CLNK: variants seen among roughly 807,000 people sequenced by gnomAD.
The protein encoded by CLNK is cytokine dependent hematopoietic cell linker.
CLNK carries 74 observed loss-of-function variants against 68.6 expected under a neutral mutation model. The observed-to-expected ratio is 1.08, with a 90% confidence interval of 0.89 to 1.31. The LOEUF is 1.31. Ranked by LOEUF, CLNK falls within the 50% of genes most tolerant of loss-of-function variation. The probability of loss-of-function intolerance (pLI) is 0.00; values close to 1 mark genes in which losing one functional copy is unlikely to be tolerated. For missense variants in CLNK, 553 were observed against 515.3 expected (o/e 1.07, Z -0.71); for synonymous variants, 198 against 172.2 (o/e 1.15, Z -1.17).
At chr4:10,514,147 T>A (rs933382823) in intron 15 of CLNK, among the ~76,000 whole-genome samples, 1 of 144,562 alleles carries the variant, frequency 6.9e-6, no homozygotes, top group African/African-American at 2.6e-5. Context: ...CTGAGAATGA[T>A]GGTTTCCAAT....
chr4:10,691,465 G>C, the CLNK span, among the ~76,000 whole-genome samples: 5 of 152,242 alleles, frequency 3.3e-5, 1 homozygote, highest in East Asian at 9.6e-4. Flanking sequence ...AGACAGAGAC[G>C]TAAGTTCCAA....
At chr4:10,553,165 A>G (rs1719528885) in intron 8 of CLNK, among the ~76,000 whole-genome samples, 1 of 152,176 alleles carries the variant, frequency 6.6e-6, no homozygotes, top group Admixed American at 6.5e-5. Context: ...ACACCCGATA[A>G]ACTACTCAGA....
At chr4:10,588,941 A>G (rs1721084218) in intron 3 of CLNK, among the ~76,000 whole-genome samples, 1 of 152,084 alleles carries the variant, frequency 6.6e-6, no homozygotes, top group East Asian at 1.9e-4. Flanking sequence ...TGGAGGAGAA[A>G]ATGAGGAGAT....
chr4:10,491,557 C>T (rs544045691), intron 18 of CLNK, among the ~76,000 whole-genome samples: 1 of 152,234 alleles, frequency 6.6e-6, no homozygotes, highest in African/African-American at 2.4e-5. Flanking sequence ...TCTAGATACA[C>T]AGATAAAATG....
At chr4:10,612,192 T>A (rs1722058488) in intron 2 of CLNK, among the ~76,000 whole-genome samples, 1 of 152,240 alleles carries the variant, frequency 6.6e-6, no homozygotes, top group South Asian at 2.1e-4. Flanking sequence ...ATGACATTTA[T>A]TTTATTTCCA....
intron 1 of CLNK, among the ~76,000 whole-genome samples, chr4:10,681,476 T>C (rs559077862): frequency 7.9e-5 from 12 of 152,290 alleles, no homozygotes; most frequent in African/African-American, 2.9e-4. Context: ...TCCAATCACA[T>C]GGATATTAAA....
At chr4:10,626,230 G>A (rs908842289) in intron 2 of CLNK, among the ~76,000 whole-genome samples, 2 of 152,216 alleles carry the variant, frequency 1.3e-5, no homozygotes, top group Non-Finnish European at 2.9e-5. Context: ...TCTGTGGAGT[G>A]AGGTTTGCTC....
intron 2 of CLNK, among the ~76,000 whole-genome samples, chr4:10,660,288 T>C (rs1183495573): frequency 6.6e-6 from 1 of 152,230 alleles, no homozygotes; most frequent in Non-Finnish European, 1.5e-5. Flanking sequence ...CCATAAAATA[T>C]GGGATGCCTA....
chr4:10,710,055 C>A, the CLNK span, among the ~76,000 whole-genome samples: 2 of 152,212 alleles, frequency 1.3e-5, no homozygotes, highest in Non-Finnish European at 2.9e-5. Context: ...TTATTGATAA[C>A]TGATATGATA....
intron 2 of CLNK, among the ~76,000 whole-genome samples, chr4:10,656,847 T>C (rs1451142114): frequency 6.6e-6 from 1 of 152,154 alleles, no homozygotes; most frequent in African/African-American, 2.4e-5. Context: ...TGGTATTATA[T>C]GCACATAAAA....
At chr4:10,532,357 A>G (rs1254846377) in intron 11 of CLNK, 74 bp from the exon 12 acceptor site, 1 of 1,249,630 alleles carries the variant, frequency 8.0e-7, no homozygotes, top group Non-Finnish European at 1.2e-6. Context: ...TCTGAGCCTT[A>G]CAAACCTTTC....
chr4:10,586,905 G>A (rs1720989139), intron 3 of CLNK, among the ~76,000 whole-genome samples: 1 of 151,820 alleles, frequency 6.6e-6, no homozygotes, highest in South Asian at 2.1e-4. Context: ...AAAGGTTTTG[G>A]GCCATTTATG....
intron 7 of CLNK, among the ~76,000 whole-genome samples, chr4:10,562,872 A>C (rs867344577): frequency 6.6e-6 from 1 of 152,182 alleles, no homozygotes; most frequent in South Asian, 2.1e-4. Flanking sequence ...TCCTACCATT[A>C]GCATATATGT....
chr4:10,586,336 CTTTT>C (rs5856064), intron 3 of CLNK, among the ~76,000 whole-genome samples: 15 of 89,256 alleles, frequency 1.7e-4, no homozygotes, highest in Non-Finnish European at 2.3e-4. Context: ...CTTTTTTTTT[CTTTT>C]TTTTTTTTTT....
intron 2 of CLNK, among the ~76,000 whole-genome samples, chr4:10,655,230 T>C (rs550910016): frequency 8.6e-5 from 13 of 151,992 alleles, no homozygotes; most frequent in Non-Finnish European, 1.6e-4. Context: ...TCTAGAGATA[T>C]ATAACATGTT....
intron 2 of CLNK, among the ~76,000 whole-genome samples, chr4:10,667,522 A>G (rs1359236052): frequency 6.6e-6 from 1 of 152,002 alleles, no homozygotes; most frequent in Admixed American, 6.6e-5. Context: ...TGTGGGAAAA[A>G]GCACACAAAC....
intron 2 of CLNK, among the ~76,000 whole-genome samples, chr4:10,639,237 G>T (rs1349519064): frequency 1.3e-5 from 2 of 152,184 alleles, no homozygotes; most frequent in Admixed American, 1.3e-4. Flanking sequence ...TGACTGAATG[G>T]CTCTGAGTCT....
Position 10,588,235 on chromosome 4 carries a change from C to T in CLNK, c.84-3280G>A, listed in dbSNP as rs1577149553. 3.3e-5 allele frequency among the ~76,000 whole-genome samples: 5 copies of T among 152,316 alleles called. No homozygotes were observed. In the South Asian group the frequency reaches 1.0e-3, roughly 32 times the overall value. ...TCGGGAATTTTGAAGAAAAGGCAAA[C>T]CGTTCCTGAGATTCCAGAAGGAACT... On this transcript the variant is annotated intron_variant, in intron 3 of 18. Coordinates refer to ENST00000226951, the MANE Select transcript of CLNK (RefSeq NM_052964.4).
chr4:10,608,546 G>A (rs535220312), intron 2 of CLNK, among the ~76,000 whole-genome samples: 3 of 152,114 alleles, frequency 2.0e-5, no homozygotes, highest in East Asian at 1.9e-4. Context: ...GCTTCGTCTC[G>A]AACCTTTTGC....
Sources: gnomAD v4.1 joint callset for allele counts (sites outside exome capture counted in the v4.1 genomes callset) on GRCh38, gnomAD v4.1.1 for gene constraint, MANE v1.5 for transcripts, NCBI Gene and HGNC (gene_info 2026-07-23, HGNC 2026-07-21) for gene names.